The following PHACTR2 variants were observed in gnomAD, a reference collection of about 807,000 sequenced individuals.
PHACTR2 encodes chromosome 6 open reading frame 56.
A neutral mutation model predicts 76.0 loss-of-function variants in PHACTR2; 30 were observed. The ratio of observed to expected loss-of-function variants is 0.39; its 90% confidence interval spans 0.30 to 0.54. PHACTR2 has a LOEUF of 0.54. Ranked by LOEUF, PHACTR2 falls within the 20% of genes least tolerant of loss-of-function variation. PHACTR2 has a pLI of 0.61. For synonymous variants in PHACTR2, 292 were observed against 292.5 expected, an observed-to-expected ratio of 1.00 and a Z score of 0.02; for missense variants, 696 against 781.1, an observed-to-expected ratio of 0.89 and a Z score of 1.30.
rs1409307110 is a variant in PHACTR2, at chr6:143,592,515, T to C, written c.217+55308T>C. ...AGGACTTGTACTCCAGGGGGCGCTA[T>C]TCACATCGACTAATACTCTATAGGG... is the stretch of plus-strand genomic sequence containing the variant. On this transcript the variant is annotated intron_variant, in intron 1 of 11. Transcript: ENST00000367584. This position sits in a 1 kb window ranked among gnomAD's most constrained non-coding sequence, Gnocchi z 4.0. Among the ~76,000 whole-genome samples the C allele has an allele frequency of 1.3e-5, 2 of 152,174 alleles. No individual in the cohort carries two copies. Among genetic ancestry groups the C allele is most frequent in the African/African-American group, 4.8e-5 (2 of 41,446 alleles).
chr6:143,630,632 C>G (rs148592072), intron 1 of PHACTR2, among the ~76,000 whole-genome samples: 7 of 152,304 alleles, frequency 4.6e-5, no homozygotes, highest in Admixed American at 4.6e-4. Context: ...AATGAATTCA[C>G]TCATCCAACA....
intron 2 of PHACTR2, among the ~76,000 whole-genome samples, chr6:143,717,335 C>G (rs1778326217): frequency 6.6e-6 from 1 of 152,186 alleles, no homozygotes; most frequent in South Asian, 2.1e-4. Context: ...TGCCTGTACT[C>G]CTGTTAGGAC....
intron 1 of PHACTR2, among the ~76,000 whole-genome samples, chr6:143,668,214 A>G (rs1777079293): frequency 6.6e-6 from 1 of 152,144 alleles, no homozygotes; most frequent in Non-Finnish European, 1.5e-5. Flanking sequence ...CTTGCATCCC[A>G]CGGATGCAGC....
chr6:143,683,152 A>C lies in PHACTR2; in HGVS notation c.46+4943A>C, dbSNP rs1777435727. 6.6e-6 allele frequency among the ~76,000 whole-genome samples: 1 copy of C among 152,246 alleles called. No homozygotes were observed. Among genetic ancestry groups the C allele is most frequent in the South Asian group, 2.1e-4 (1 of 4,836 alleles). ...TACAGGCTAAAACGATATGCCCTCA[A>C]ATAGGATGGTTTCGGTACCCTCTGG... On this transcript the variant is annotated intron_variant, in intron 1 of 12. Coordinates refer to ENST00000440869, the MANE Select transcript of PHACTR2 (RefSeq NM_001100164.2). The surrounding 1 kb of genome is among the most constrained non-coding windows in gnomAD (Gnocchi z 4.1).
chr6:143,565,984 C>T (rs1026890661), intron 1 of PHACTR2, among the ~76,000 whole-genome samples: 1 of 152,144 alleles, frequency 6.6e-6, no homozygotes, highest in Non-Finnish European at 1.5e-5. Context: ...GGGTGGAAGT[C>T]AGGAGGCTTG....
At chr6:143,635,616 G>T (rs1776438870) in intron 1 of PHACTR2, among the ~76,000 whole-genome samples, 1 of 152,102 alleles carries the variant, frequency 6.6e-6, no homozygotes, top group South Asian at 2.1e-4. Flanking sequence ...AACCCAATAG[G>T]TGAAAAATCA....
intron 1 of PHACTR2, among the ~76,000 whole-genome samples, chr6:143,667,864 C>T (rs758899022): frequency 7.9e-5 from 12 of 152,168 alleles, no homozygotes; most frequent in South Asian, 4.1e-4. Context: ...TATTTGAATA[C>T]GCTTTATTTC....
rs891489832 is a variant in PHACTR2, at chr6:143,684,604, G to C, written c.46+6395G>C. Among the ~76,000 whole-genome samples the C allele has an allele frequency of 6.6e-6, 1 of 152,168 alleles. No homozygotes were observed. Among genetic ancestry groups the C allele is most frequent in the South Asian group, 2.1e-4 (1 of 4,836 alleles). On this transcript the variant is annotated intron_variant, in intron 1 of 12. Coordinates refer to ENST00000440869, the MANE Select transcript of PHACTR2 (RefSeq NM_001100164.2). This position sits in a 1 kb window ranked among gnomAD's most constrained non-coding sequence, Gnocchi z 4.3. Reference sequence around the variant, plus strand: ...TTATTCTCAAAGAGGCTTTCTCAGTGTTATCTGCTTATTATATGAGAATTT... The same window carrying C: ...TTATTCTCAAAGAGGCTTTCTCAGTCTTATCTGCTTATTATATGAGAATTT...
chr6:143,812,972 G>C (rs1003509082), intron 12 of PHACTR2, among the ~76,000 whole-genome samples: 1 of 152,192 alleles, frequency 6.6e-6, no homozygotes, highest in African/African-American at 2.4e-5. Context: ...AGTAGTTACA[G>C]CTGAGCAGTA....
intron 1 of PHACTR2, among the ~76,000 whole-genome samples, chr6:143,686,053 A>G (rs1562269639): frequency 1.3e-5 from 2 of 150,428 alleles, no homozygotes; most frequent in African/African-American, 4.9e-5. Flanking sequence ...AATTGCTTGA[A>G]CTCGGGAGGC....
At chr6:143,790,737 G>T (rs916378563) in intron 11 of PHACTR2, among the ~76,000 whole-genome samples, 13 of 149,304 alleles carry the variant, frequency 8.7e-5, no homozygotes, top group Admixed American at 3.4e-4. Flanking sequence ...GCTGTGGCTC[G>T]ATCTCAGCTC....
chr6:143,825,138 T>G lies in PHACTR2; in HGVS notation c.*1449T>G, dbSNP rs962847498. On this transcript the variant is annotated 3_prime_UTR_variant, in exon 13 of 13. Coordinates refer to ENST00000440869, the MANE Select transcript of PHACTR2 (RefSeq NM_001100164.2). The surrounding 1 kb of genome is among the most constrained non-coding windows in gnomAD (Gnocchi z 4.1). ...TCTTCACAAGTGCTTTGTGCCCCTT[T>G]AATTAAAAACACATGAAATGAATAA... The G allele has an allele frequency of 1.6e-4, 25 of 152,748 alleles. No homozygotes were observed. The highest frequency in any genetic ancestry group is 5.5e-4 in the African/African-American group (23 of 41,578). The allele number at this position is 152,748 out of a possible 1,614,324, so 9.5% of individuals were successfully genotyped here.
At chr6:143,810,899 T>C (rs1188340260) in intron 12 of PHACTR2, among the ~76,000 whole-genome samples, 3 of 152,168 alleles carry the variant, frequency 2.0e-5, no homozygotes, top group Non-Finnish European at 4.4e-5. Context: ...ATTGGTAACA[T>C]CTTCTTAGAT....
chr6:143,683,959 G>A lies in PHACTR2; in HGVS notation c.46+5750G>A, dbSNP rs76951971. On this transcript the variant is annotated intron_variant, in intron 1 of 12. Coordinates refer to ENST00000440869, the MANE Select transcript of PHACTR2 (RefSeq NM_001100164.2). The surrounding 1 kb of genome is among the most constrained non-coding windows in gnomAD (Gnocchi z 4.1). ...TACTGCTCTATACTTTGAATTTTTC[G>A]TGTAATATAACTTGAAAATACTTCC... is the stretch of plus-strand genomic sequence containing the variant. Among the ~76,000 whole-genome samples, 567 of 152,054 alleles carry A rather than the reference G, an allele frequency of 3.7e-3. 8 individuals are homozygous for A. In the East Asian group the frequency reaches 0.04, roughly 11 times the overall value.
chr6:143,665,079 A>C (rs1269286778), intron 1 of PHACTR2, among the ~76,000 whole-genome samples: 1 of 152,102 alleles, frequency 6.6e-6, no homozygotes. Context: ...GATTACAGGC[A>C]TGAGCCACCG....
At chr6:143,542,051 T>A (rs1030696446) in intron 1 of PHACTR2, among the ~76,000 whole-genome samples, 2 of 152,122 alleles carry the variant, frequency 1.3e-5, no homozygotes, top group Non-Finnish European at 2.9e-5. Flanking sequence ...GACCATCTGG[T>A]TCTAAGTTTA....
chr6:143,729,923 G>A (rs1388353294), intron 2 of PHACTR2, among the ~76,000 whole-genome samples: 1 of 142,144 alleles, frequency 7.0e-6, no homozygotes, highest in Non-Finnish European at 1.5e-5. Flanking sequence ...AATTTCAACA[G>A]CATTTGTTGA....
rs117888054 is a variant in PHACTR2, at chr6:143,553,573, T to G, written c.217+16366T>G. Among the ~76,000 whole-genome samples the G allele has an allele frequency of 8.3e-4, 126 of 152,152 alleles. No individual in the cohort carries two copies. The East Asian group carries it at 0.022, about 27-fold the overall frequency. On this transcript the variant is annotated intron_variant, in intron 1 of 11. Transcript: ENST00000367584. The surrounding 1 kb of genome is among the most constrained non-coding windows in gnomAD (Gnocchi z 4.2). ...AGTAAATTATTTTGACAGTTTTGAG[T>G]TTTCTCAGACAGGCACTTTAAGGTG...
chr6:143,651,363 C>T lies in PHACTR2; in HGVS notation c.13+43041C>T, dbSNP rs898267414. ...GGGTGTATACCCAAAGAAATGTAAACCATTCTGTTATAAAGATACATGCAT... is the reference window on the plus strand; with the variant it reads ...GGGTGTATACCCAAAGAAATGTAAATCATTCTGTTATAAAGATACATGCAT... On this transcript the variant is annotated intron_variant, in intron 1 of 11. Transcript: ENST00000305766. Among the ~76,000 whole-genome samples, 5 of 151,976 alleles carry T rather than the reference C, an allele frequency of 3.3e-5. No homozygotes were observed. The South Asian group carries it at 8.3e-4, about 25-fold the overall frequency.
Sources: gnomAD v4.1 joint callset for allele counts (sites outside exome capture counted in the v4.1 genomes callset) on GRCh38, gnomAD v4.1.1 for gene constraint, Gnocchi (gnomAD v3.1) non-coding constraint, MANE v1.5 for transcripts, NCBI Gene and HGNC (gene_info 2026-07-23, HGNC 2026-07-21) for gene names.